KCNJ6: variants seen among roughly 807,000 people sequenced by gnomAD.
The protein encoded by KCNJ6 is potassium inwardly rectifying channel subfamily J member 6.
In KCNJ6, 9 loss-of-function variants were observed where a neutral mutation model predicts 34.2. That is an observed-to-expected ratio of 0.26 (90% CI 0.16 to 0.46). The LOEUF is 0.46. Among genes scored for constraint, KCNJ6 ranks in the 20% least tolerant of loss-of-function variants. The probability of loss-of-function intolerance (pLI) is 1.00; values close to 1 mark genes in which losing one functional copy is unlikely to be tolerated. For synonymous variants in KCNJ6, 196 were observed against 207.1 expected (o/e 0.95, Z 0.46); for missense variants, 236 against 531.3 (o/e 0.44, Z 5.46).
chr21:37,895,982 TA>T (rs1190030416), intron 1 of KCNJ6, among the ~76,000 whole-genome samples: 1 of 152,152 alleles, frequency 6.6e-6, no homozygotes, highest in Non-Finnish European at 1.5e-5. Flanking sequence ...GGGTACTTTA[TA>T]AAGAAAAGAG....
rs2054303834 is a variant in KCNJ6, at chr21:37,624,893, T to G, written c.*266A>C. 4 of 495,756 alleles carry G rather than the reference T, an allele frequency of 8.1e-6. No homozygotes were observed. The East Asian group carries it at 1.4e-4, about 17-fold the overall frequency. The allele number at this position is 495,756 out of a possible 1,614,324, so 30.7% of individuals were successfully genotyped here. A position where few individuals can be genotyped will look rare whatever the true frequency, so the allele number is the denominator to read the frequency against. ...GTAACTGAAATCTCCAGGAGTTGGA[T>G]GTGTAGTATTTTGGGAGGAGACCAG... On this transcript the variant is annotated 3_prime_UTR_variant, in exon 4 of 4. Transcript: ENST00000609713.
chr21:37,835,850 C>A (rs1244423849), intron 2 of KCNJ6, among the ~76,000 whole-genome samples: 1 of 152,158 alleles, frequency 6.6e-6, no homozygotes, highest in Non-Finnish European at 1.5e-5. Context: ...CCAGTGTGGG[C>A]TTTCTGGTTG....
At chr21:37,727,772 G>A (rs2054862813) in intron 2 of KCNJ6, among the ~76,000 whole-genome samples, 2 of 152,260 alleles carry the variant, frequency 1.3e-5, no homozygotes, top group South Asian at 4.1e-4. Context: ...GGGAGAAACA[G>A]AACCTTGGAG....
At chr21:37,729,834 AG>A (rs2054875225) in intron 2 of KCNJ6, among the ~76,000 whole-genome samples, 1 of 152,258 alleles carries the variant, frequency 6.6e-6, no homozygotes, top group African/African-American at 2.4e-5. Context: ...CCCAGAGGAA[AG>A]GGCACCTGTG....
chr21:37,875,771 A>T (rs780747580), intron 1 of KCNJ6, among the ~76,000 whole-genome samples: 7 of 152,222 alleles, frequency 4.6e-5, no homozygotes, highest in Non-Finnish European at 1.0e-4. Context: ...CGGCCTCCAG[A>T]AAATGGAACT....
rs141232113 is a variant in KCNJ6 at position 37,894,479 on chromosome 21, A to T, written c.-28+21405T>A. Among the ~76,000 whole-genome samples the T allele has an allele frequency of 1.3e-3, 202 of 152,318 alleles. 1 individual carries two copies. The highest frequency in any genetic ancestry group is 4.6e-3 in the African/African-American group (190 of 41,574). On this transcript the variant is annotated intron_variant, in intron 1 of 3. Transcript: ENST00000609713. ...GGAGTTCAAGACCAGCCTGGCCAAG[A>T]TAGTGAAACCCTGTCTCTACTAAAA...
In KCNJ6 at chr21:37,608,702, T is replaced by A. The variant is rs2054232683; in HGVS notation, c.*16457A>T. ...CAGGGTTTTGTGTGGTTCGATGCACTTAGCGCAGTGTTGTTGCATGGTAAG... is the reference window on the plus strand; with the variant it reads ...CAGGGTTTTGTGTGGTTCGATGCACATAGCGCAGTGTTGTTGCATGGTAAG... On this transcript the variant is annotated 3_prime_UTR_variant, in exon 4 of 4. Transcript: ENST00000609713. The A allele has an allele frequency of 6.6e-6, 1 of 152,252 alleles. No homozygotes were observed. Among genetic ancestry groups the A allele is most frequent in the East Asian group, 1.9e-4 (1 of 5,192 alleles). The allele number at this position is 152,252 out of a possible 1,614,324, so 9.4% of individuals were successfully genotyped here. A position where few individuals can be genotyped will look rare whatever the true frequency, so the allele number is the denominator to read the frequency against.
chr21:37,776,142 GCTCT>G (rs2055141057), intron 2 of KCNJ6, among the ~76,000 whole-genome samples: 1 of 151,912 alleles, frequency 6.6e-6, no homozygotes, highest in Non-Finnish European at 1.5e-5. Context: ...TCATTATTTG[GCTCT>G]CTGTCTGTTA....
At chr21:37,804,455 T>C (rs1215132409) in intron 2 of KCNJ6, among the ~76,000 whole-genome samples, 2 of 152,158 alleles carry the variant, frequency 1.3e-5, no homozygotes, top group African/African-American at 2.4e-5. Context: ...CAGGGGTACG[T>C]GTGCAGGTTT....
chr21:37,803,540 T>C (rs2055279619), intron 2 of KCNJ6, among the ~76,000 whole-genome samples: 1 of 152,148 alleles, frequency 6.6e-6, no homozygotes, highest in Non-Finnish European at 1.5e-5. Flanking sequence ...CTTAGGACAG[T>C]GTTGGACAGT....
chr21:37,782,886 CTGATT>C (rs2123514092), intron 2 of KCNJ6, among the ~76,000 whole-genome samples: 1 of 152,264 alleles, frequency 6.6e-6, no homozygotes, highest in East Asian at 1.9e-4. Flanking sequence ...GAAATGTGAC[CTGATT>C]TGTGTGATAA....
intron 2 of KCNJ6, among the ~76,000 whole-genome samples, chr21:37,736,094 G>A (rs117068992): frequency 5.9e-5 from 9 of 152,288 alleles, no homozygotes; most frequent in East Asian, 1.9e-4. Context: ...GAGCTGAAAC[G>A]TACATACCTG....
intron 1 of KCNJ6, among the ~76,000 whole-genome samples, chr21:37,908,616 T>A (rs2055852834): frequency 6.6e-6 from 1 of 152,226 alleles, no homozygotes; most frequent in South Asian, 2.1e-4. Flanking sequence ...TTCTCCTTTG[T>A]GTCTACTTTA....
At chr21:37,660,425 G>T (rs907167003) in intron 3 of KCNJ6, among the ~76,000 whole-genome samples, 5 of 152,208 alleles carry the variant, frequency 3.3e-5, no homozygotes, top group African/African-American at 1.2e-4. Context: ...GGGAAGCACT[G>T]GTCGTGGGGT....
At chr21:37,716,473 G>A (rs1233295522) in intron 2 of KCNJ6, among the ~76,000 whole-genome samples, 7 of 150,930 alleles carry the variant, frequency 4.6e-5, no homozygotes, top group Non-Finnish European at 7.4e-5. Context: ...TTGATCTCCT[G>A]GGTTCAAGTG....
At chr21:37,862,830 G>A (rs2055601442) in intron 1 of KCNJ6, among the ~76,000 whole-genome samples, 1 of 152,214 alleles carries the variant, frequency 6.6e-6, no homozygotes, top group African/African-American at 2.4e-5. Flanking sequence ...CTTGACTGAT[G>A]TGTGACATCA....
At chr21:37,684,304 C>T (rs775101841) in intron 3 of KCNJ6, among the ~76,000 whole-genome samples, 8 of 151,728 alleles carry the variant, frequency 5.3e-5, no homozygotes, top group East Asian at 3.9e-4. Context: ...CATCTTCACA[C>T]GGCCTTCTCC....
Position 37,720,702 on chromosome 21 carries a change from CTTTTTTTTTTTTTT to C in KCNJ6, c.26-5585_26-5572del, listed in dbSNP as rs3061017. ...AGAATGGGAGAAAACATTTTCTTTT[CTTTTTTTTTTTTTT>C]TTGAGACGGAGTCTCGCTCTGTCGC... On this transcript the variant is annotated intron_variant, in intron 2 of 3. Transcript: ENST00000609713. 6.9e-5 allele frequency among the ~76,000 whole-genome samples: 9 copies of C among 129,518 alleles called. No homozygotes were observed. In the Admixed American group the frequency reaches 7.0e-4, roughly 10 times the overall value. The allele number at this position is 129,518 out of a possible 152,430, so 85.0% of individuals were successfully genotyped here.
At chr21:37,897,748 C>T (rs147671407) in intron 1 of KCNJ6, among the ~76,000 whole-genome samples, 273 of 152,310 alleles carry the variant, frequency 1.8e-3, no homozygotes, top group African/African-American at 2.6e-3. Context: ...ACCAGGGGTC[C>T]GTGCAGACTG....
Sources: allele counts gnomAD v4.1 joint callset (sites outside exome capture counted in the v4.1 genomes callset), GRCh38; gene constraint gnomAD v4.1.1; transcripts MANE v1.5; gene names NCBI Gene and HGNC (gene_info 2026-07-23, HGNC 2026-07-21).